The following CD244 variants were observed in gnomAD, a reference collection of about 807,000 sequenced individuals.
CD244 encodes CD244 molecule.
A neutral mutation model predicts 45.5 loss-of-function variants in CD244; 20 were observed. That is an observed-to-expected ratio of 0.44 (90% CI 0.31 to 0.64). The LOEUF (loss-of-function observed/expected upper bound fraction) is 0.64, where lower values mean the gene tolerates loss of function less well. Ranked by LOEUF, CD244 falls within the 30% of genes least tolerant of loss-of-function variation. The probability of loss-of-function intolerance (pLI) is 0.08; values close to 1 mark genes in which losing one functional copy is unlikely to be tolerated. For synonymous variants in CD244, 185 were observed against 160.5 expected, an observed-to-expected ratio of 1.15 and a Z score of -1.15; for missense variants, 407 against 426.9, an observed-to-expected ratio of 0.95 and a Z score of 0.41.
At chr1:160,841,945 G>A (rs767564648) in intron 1 of CD244, 44 bp from the exon 2 acceptor site, 2 of 1,565,684 alleles carry the variant, frequency 1.3e-6, no homozygotes, top group African/African-American at 1.4e-5. Context: ...AAGAGTGTCA[G>A]GCCTGAGCAA....
rs536877235 is a variant in CD244 at position 160,845,813 on chromosome 1, G to A, written c.62-3912C>T. On this transcript the variant is annotated intron_variant, in intron 1 of 8. Coordinates refer to ENST00000368034, the MANE Select transcript of CD244 (RefSeq NM_016382.4). ...GGAGGTTGCAGTGAGCCGAGATCACGCCACTGCACTCCAACCTGGGCAACA... is the reference window on the plus strand; with the variant it reads ...GGAGGTTGCAGTGAGCCGAGATCACACCACTGCACTCCAACCTGGGCAACA... Among the ~76,000 whole-genome samples, 75 of 149,826 alleles carry A rather than the reference G, an allele frequency of 5.0e-4. No homozygotes were observed. In the South Asian group the frequency reaches 0.015, roughly 29 times the overall value.
In CD244 at chr1:160,848,341, G is replaced by C. The variant is rs1468058078; in HGVS notation, c.62-6440C>G. On this transcript the variant is annotated intron_variant, in intron 1 of 8. Coordinates refer to ENST00000368034, the MANE Select transcript of CD244 (RefSeq NM_016382.4). ...CTGGACCCAACACAAATAGTTCCCAGTTTTTCATCTACATTGCCGAGACTG... is the reference window on the plus strand; with the variant it reads ...CTGGACCCAACACAAATAGTTCCCACTTTTTCATCTACATTGCCGAGACTG... The C allele has an allele frequency of 5.1e-6, 3 of 592,088 alleles. No individual in the cohort carries two copies. The African/African-American group carries it at 5.6e-5, about 11-fold the overall frequency. The allele number at this position is 592,088 out of a possible 1,614,324, so 36.7% of individuals were successfully genotyped here. A position where few individuals can be genotyped will look rare whatever the true frequency, so the allele number is the denominator to read the frequency against.
rs912224010 is a variant in CD244, at chr1:160,841,210, C to A, written c.655G>T (p.Glu219Ter). 8 of 1,613,978 alleles carry A rather than the reference C, an allele frequency of 5.0e-6. No homozygotes were observed. Among genetic ancestry groups the A allele is most frequent in the South Asian group, 1.1e-5 (1 of 91,064 alleles). Residue 219 changes from glutamate to a stop codon, truncating the protein, a stop_gained and splice_region_variant, in exon 3 of 9, where the codon GAA becomes TAA. Transcript: ENST00000368034. LOFTEE classifies it high-confidence loss of function. Reference sequence around the variant, plus strand: ...TTATAGCCCAGTGTGTTCCACTTACCCTGATGGGCATTCTGACAGTCCTGA... The same window carrying A: ...TTATAGCCCAGTGTGTTCCACTTACACTGATGGGCATTCTGACAGTCCTGA... ...LTQDCQNAHQ[E>*]FRFWPFLVII...
Position 160,841,202 on chromosome 1 carries a change from C to G in CD244, c.655+8G>C. ...AGCGCTTGTTATAGCCCAGTGTGTT[C>G]CACTTACCCTGATGGGCATTCTGAC... On this transcript the variant is annotated splice_region_variant and intron_variant, in intron 3 of 8. Coordinates refer to ENST00000368034, the MANE Select transcript of CD244 (RefSeq NM_016382.4). 1.2e-6 allele frequency: 2 copies of G among 1,613,910 alleles called. No homozygotes were observed. The highest frequency in any genetic ancestry group is 1.7e-6 in the Non-Finnish European group (2 of 1,179,848).
At chr1:160,846,102 G>T (rs1669724766) in intron 1 of CD244, among the ~76,000 whole-genome samples, 1 of 151,788 alleles carries the variant, frequency 6.6e-6, no homozygotes, top group Non-Finnish European at 1.5e-5. Context: ...GTGGTGTTTG[G>T]TTACAAGAGA....
chr1:160,836,360 G>A, intron 5 of CD244, 106 bp from the exon 6 acceptor site: 4 of 824,190 alleles, frequency 4.9e-6, no homozygotes, highest in Non-Finnish European at 8.2e-6. Flanking sequence ...TCAGGAGACT[G>A]GGAGGGAGGT....
At chr1:160,843,221 C>T (rs1669609405) in intron 1 of CD244, among the ~76,000 whole-genome samples, 1 of 152,188 alleles carries the variant, frequency 6.6e-6, no homozygotes, top group Non-Finnish European at 1.5e-5. Flanking sequence ...AAGACTAAAA[C>T]ACATAGGTTC....
chr1:160,838,885 T>C, intron 4 of CD244, 54 bp downstream of exon 4: 1 of 1,209,156 alleles, frequency 8.3e-7, no homozygotes, highest in Non-Finnish European at 1.2e-6. Flanking sequence ...CAGGACAAAG[T>C]CACAGGATCC....
At chr1:160,832,024 A>G (rs933691351) in intron 8 of CD244, among the ~76,000 whole-genome samples, 6 of 152,290 alleles carry the variant, frequency 3.9e-5, no homozygotes, top group African/African-American at 1.2e-4. Flanking sequence ...CCTCCTTTCC[A>G]GTCCCTAAAT....
chr1:160,860,175 TCCAGC>T (rs1189885446), intron 1 of CD244, among the ~76,000 whole-genome samples: 2 of 151,992 alleles, frequency 1.3e-5, no homozygotes, highest in Non-Finnish European at 2.9e-5. Flanking sequence ...ACCACTGTAC[TCCAGC>T]CCAGGCCACA....
Position 160,830,715 on chromosome 1 carries a change from C to G in CD244, c.*632G>C, listed in dbSNP as rs1022850184. 1.3e-5 allele frequency: 2 copies of G among 152,614 alleles called. No individual in the cohort carries two copies. Among genetic ancestry groups the G allele is most frequent in the East Asian group, 3.8e-4 (2 of 5,228 alleles). The allele number at this position is 152,614 out of a possible 1,614,324, so 9.5% of individuals were successfully genotyped here. The stretch of plus-strand genomic sequence containing the variant: ...TAGAGATGGGCTTGCTTTGCACCAT[C>G]TACTCTCCCTTCAGCCCACTCCCCC... On this transcript the variant is annotated 3_prime_UTR_variant, in exon 9 of 9. Coordinates refer to ENST00000368034, the MANE Select transcript of CD244 (RefSeq NM_016382.4).
chr1:160,838,884 G>T, intron 4 of CD244, 55 bp downstream of exon 4: 1 of 1,201,268 alleles, frequency 8.3e-7, no homozygotes, highest in Non-Finnish European at 1.2e-6. Flanking sequence ...GCAGGACAAA[G>T]TCACAGGATC....
At chr1:160,856,746 T>C (rs932087929) in intron 1 of CD244, among the ~76,000 whole-genome samples, 1 of 152,034 alleles carries the variant, frequency 6.6e-6, no homozygotes, top group African/African-American at 2.4e-5. Flanking sequence ...TCTTGGAGCA[T>C]AATAAGGGCT....
At chr1:160,859,088 T>C (rs1444868851) in intron 1 of CD244, among the ~76,000 whole-genome samples, 1 of 152,010 alleles carries the variant, frequency 6.6e-6, no homozygotes, top group East Asian at 1.9e-4. Context: ...GAGCTAAGAG[T>C]TTGCAGAATG....
chr1:160,839,878 A>G (rs1343154950), intron 3 of CD244, among the ~76,000 whole-genome samples: 2 of 152,188 alleles, frequency 1.3e-5, no homozygotes, highest in Admixed American at 1.3e-4. Flanking sequence ...TCCTTCCTTC[A>G]TGGCTCTTCC....
At position 160,841,771 on chromosome 1, in the gene CD244, A is replaced by T; in HGVS notation, c.192T>A (p.His64Gln). The T allele has an allele frequency of 6.2e-7, 1 of 1,614,168 alleles. No individual in the cohort carries two copies. Among genetic ancestry groups the T allele is most frequent in the Non-Finnish European group, 8.5e-7 (1 of 1,180,020 alleles). Residue 64 changes from histidine (H) to glutamine (Q), a missense_variant, in exon 2 of 9, where the codon CAT becomes CAA. Physicochemically the swap from His to Gln is conservative, Grantham distance 24. Transcript: ENST00000368034. ...AGCCATTCTCCCACTTCAATATGTGATGAAATCCATTTTGTGAGGGCAGCA... is the reference window on the plus strand; with the variant it reads ...AGCCATTCTCCCACTTCAATATGTGTTGAAATCCATTTTGTGAGGGCAGCA... ...KKLLPSQNGFHHILKWENGSL... is the reference protein window; with the variant it reads ...KKLLPSQNGFQHILKWENGSL...
chr1:160,842,542 T>C (rs1031220080), intron 1 of CD244, among the ~76,000 whole-genome samples: 1 of 152,126 alleles, frequency 6.6e-6, no homozygotes, highest in Non-Finnish European at 1.5e-5. Flanking sequence ...GTAGTGACTG[T>C]TGGAAATTCT....
At chr1:160,855,863 T>C (rs891878138) in intron 1 of CD244, among the ~76,000 whole-genome samples, 1 of 152,070 alleles carries the variant, frequency 6.6e-6, no homozygotes, top group African/African-American at 2.4e-5. Context: ...GTACAGAGGA[T>C]GGTGAAGGAG....
At chr1:160,851,735 G>C (rs1432411881) in intron 1 of CD244, among the ~76,000 whole-genome samples, 1 of 152,118 alleles carries the variant, frequency 6.6e-6, no homozygotes, top group Non-Finnish European at 1.5e-5. Context: ...TAGAGATAGA[G>C]TTTCACCATG....
Sources: allele counts gnomAD v4.1 joint callset (sites outside exome capture counted in the v4.1 genomes callset), GRCh38; gene constraint gnomAD v4.1.1; transcripts MANE v1.5; gene names NCBI Gene and HGNC (gene_info 2026-07-23, HGNC 2026-07-21).